Variants in ZNF420 observed in about 807,000 individuals in gnomAD.
The protein encoded by ZNF420 is zinc finger protein 420.
A neutral mutation model predicts 44.7 loss-of-function variants in ZNF420; 31 were observed. That is an observed-to-expected ratio of 0.69 (90% confidence interval 0.52 to 0.94). ZNF420 has a LOEUF of 0.94. Ranked by LOEUF, ZNF420 falls within the 40% of genes least tolerant of loss-of-function variation. The pLI is 0.00. For synonymous variants in ZNF420, 245 were observed against 267.4 expected (o/e 0.92, Z 0.82); for missense variants, 681 against 827.9 (o/e 0.82, Z 2.18).
At chr19:37,064,923 C>A (rs977125409) in intron 1 of ZNF420, among the ~76,000 whole-genome samples, 4 of 152,136 alleles carry the variant, frequency 2.6e-5, no homozygotes, top group Admixed American at 2.6e-4. Context: ...AAAGTGGGAC[C>A]GGACCCAGGG....
intron 4 of ZNF420, among the ~76,000 whole-genome samples, chr19:37,123,218 G>A (rs191341313): frequency 2.0e-5 from 3 of 152,088 alleles, no homozygotes; most frequent in African/African-American, 4.8e-5. Flanking sequence ...TGTTGTAGCC[G>A]CCTAATTTCT....
intron 2 of ZNF420, among the ~76,000 whole-genome samples, chr19:37,083,444 T>A (rs1201390146): frequency 6.6e-6 from 1 of 152,138 alleles, no homozygotes; most frequent in Non-Finnish European, 1.5e-5. Context: ...GAATGAAAGA[T>A]TGGTTTTTCT....
At chr19:37,067,743 G>A (rs1270355149) in intron 1 of ZNF420, among the ~76,000 whole-genome samples, 1 of 152,150 alleles carries the variant, frequency 6.6e-6, no homozygotes, top group African/African-American at 2.4e-5. Flanking sequence ...GCAAGAAGGA[G>A]AGGTAAGCAA....
chr19:37,121,225 T>C (rs1346371603), intron 4 of ZNF420, among the ~76,000 whole-genome samples: 8 of 146,712 alleles, frequency 5.5e-5, no homozygotes, highest in Admixed American at 1.4e-4. Context: ...CCTCAAACTA[T>C]ACTACAAGGC....
At chr19:37,118,425 AT>A (rs1970820035) in intron 4 of ZNF420, among the ~76,000 whole-genome samples, 1 of 152,176 alleles carries the variant, frequency 6.6e-6, no homozygotes, top group South Asian at 2.1e-4. Flanking sequence ...ATGCTGAGAG[AT>A]TTTGTCACCA....
chr19:37,028,722 TGCTC>T, intron 1 of ZNF420, among the ~76,000 whole-genome samples: 1 of 152,318 alleles, frequency 6.6e-6, no homozygotes, highest in Middle Eastern at 3.4e-3. Context: ...TTCCCTAAAA[TGCTC>T]AGTTCAGCTG....
chr19:37,048,262 G>A (rs1443503996), intron 1 of ZNF420, among the ~76,000 whole-genome samples: 1 of 152,132 alleles, frequency 6.6e-6, no homozygotes, highest in Non-Finnish European at 1.5e-5. Flanking sequence ...TTACTTAGAA[G>A]CATCAGTAGG....
chr19:37,123,932 G>A (rs936785836), intron 4 of ZNF420, among the ~76,000 whole-genome samples: 2 of 151,980 alleles, frequency 1.3e-5, no homozygotes, highest in African/African-American at 4.8e-5. Context: ...ATTTTTAAAA[G>A]GATGTTTGTC....
chr19:37,110,834 G>A (rs140763634), intron 4 of ZNF420, among the ~76,000 whole-genome samples: 2,755 of 152,198 alleles, frequency 0.018, 45 homozygotes, highest in African/African-American at 0.04. Flanking sequence ...CTAAAGGTCC[G>A]TGACTGGTAA....
upstream of ZNF420, among the ~76,000 whole-genome samples, chr19:37,075,988 C>T (rs1002515055): frequency 1.5e-5 from 2 of 130,692 alleles, no homozygotes; most frequent in African/African-American, 6.2e-5. Context: ...CTGCAGTCTA[C>T]GTTTCTGATG....
intron 1 of ZNF420, among the ~76,000 whole-genome samples, chr19:37,025,850 C>T (rs1967148436): frequency 6.7e-6 from 1 of 149,640 alleles, no homozygotes; most frequent in East Asian, 2.0e-4. Context: ...GAACACTGCT[C>T]ACTGCAGCCT....
At chr19:37,108,546 T>A (rs1970219310) in intron 4 of ZNF420, among the ~76,000 whole-genome samples, 1 of 152,198 alleles carries the variant, frequency 6.6e-6, no homozygotes, top group African/African-American at 2.4e-5. Context: ...TTTAGGTCGA[T>A]AGTATAAAAT....
chr19:37,013,253 C>T (rs1196771101), intron 1 of ZNF420, among the ~76,000 whole-genome samples: 1 of 152,124 alleles, frequency 6.6e-6, no homozygotes, highest in Non-Finnish European at 1.5e-5. Context: ...CACAGCAGCC[C>T]CCGCTCACTA....
At chr19:37,038,107 G>A (rs998872435) in intron 1 of ZNF420, among the ~76,000 whole-genome samples, 2 of 149,656 alleles carry the variant, frequency 1.3e-5, no homozygotes, top group Non-Finnish European at 3.0e-5. Context: ...TCCAACCTGG[G>A]TGACAGAGCG....
chr19:37,067,932 A>G (rs1462969817), intron 1 of ZNF420, among the ~76,000 whole-genome samples: 1 of 152,196 alleles, frequency 6.6e-6, no homozygotes, highest in Non-Finnish European at 1.5e-5. Flanking sequence ...GGCATACTTC[A>G]ACACTAATCA....
chr19:37,028,067 C>T (rs1422028500), intron 1 of ZNF420, among the ~76,000 whole-genome samples: 2 of 152,188 alleles, frequency 1.3e-5, no homozygotes, highest in Admixed American at 6.5e-5. Flanking sequence ...GTTCCTGTTG[C>T]GCCGTATCCT....
chr19:37,069,493 C>G (rs761314888), intron 1 of ZNF420, among the ~76,000 whole-genome samples: 1 of 152,012 alleles, frequency 6.6e-6, no homozygotes, highest in Non-Finnish European at 1.5e-5. Flanking sequence ...GTCAAAAATG[C>G]TTTTACCTAA....
chr19:37,055,617 A>G (rs572027124), intron 1 of ZNF420, among the ~76,000 whole-genome samples: 1 of 152,348 alleles, frequency 6.6e-6, no homozygotes, highest in African/African-American at 2.4e-5. Flanking sequence ...GGCAATGCGG[A>G]TGCATGAGGC....
chr19:37,109,612 G>A (rs754288167), intron 4 of ZNF420: 4 of 152,162 alleles, frequency 2.6e-5, no homozygotes, highest in Non-Finnish European at 4.4e-5. Context: ...CTGTCTCCGT[G>A]GAGGTGCTTT....
Sources: allele counts gnomAD v4.1 joint callset (sites outside exome capture counted in the v4.1 genomes callset), GRCh38; gene constraint gnomAD v4.1.1; transcripts MANE v1.5; gene names NCBI Gene and HGNC (gene_info 2026-07-23, HGNC 2026-07-21).